ATG2A: variants seen among roughly 807,000 people sequenced by gnomAD.
ATG2A encodes autophagy-related protein 2 homolog A.
ATG2A carries 103 observed loss-of-function variants against 214.2 expected under a neutral mutation model. That is an observed-to-expected ratio of 0.48 (90% CI 0.41 to 0.57). The LOEUF is 0.57. Among genes scored for constraint, ATG2A ranks in the 20% least tolerant of loss-of-function variants. The pLI, the probability that ATG2A is intolerant of heterozygous loss-of-function variation, is 0.00. For missense variants in ATG2A, 2,312 were observed against 2,613.2 expected (o/e 0.88, Z 2.51); for synonymous variants, 1,160 against 1,142.1 (o/e 1.02, Z -0.32).
chr11:64,894,649 C>T lies in ATG2A; in HGVS notation c.*324G>A, dbSNP rs772474586. 4.7e-6 allele frequency: 3 copies of T among 635,052 alleles called. No individual in the cohort carries two copies. Among genetic ancestry groups the T allele is most frequent in the Non-Finnish European group, 8.8e-6 (3 of 340,966 alleles). 39.3% of individuals were successfully genotyped at this position (635,052 alleles called of 1,614,324 possible). A position where few individuals can be genotyped will look rare whatever the true frequency, so the allele number is the denominator to read the frequency against. On this transcript the variant is annotated 3_prime_UTR_variant, in exon 41 of 41. Transcript: ENST00000377264. Reference sequence around the variant, plus strand: ...ACACGGATATCATCCCCTCCTCCCCCCAGACACAGAAAGACACTTGGCTGA... The same window carrying T: ...ACACGGATATCATCCCCTCCTCCCCTCAGACACAGAAAGACACTTGGCTGA...
At chr11:64,911,367 GC>G in intron 9 of ATG2A, 92 bp from the exon 10 acceptor site, 1 of 1,283,606 alleles carries the variant, frequency 7.8e-7, no homozygotes, top group Non-Finnish European at 1.1e-6. Flanking sequence ...GGGTTGGGAG[GC>G]CAGGTCTGCC....
At chr11:64,912,693 A>C in intron 6 of ATG2A, 1 of 462,866 alleles carries the variant, frequency 2.2e-6, no homozygotes, top group Non-Finnish European at 3.8e-6. Flanking sequence ...TCCTGGGTTC[A>C]AGCGATTCTC....
At position 64,906,810 on chromosome 11, in the gene ATG2A, C is replaced by T. The variant is rs766768460; in HGVS notation, c.2838G>A (p.Glu946=). 6.2e-7 allele frequency: 1 copy of T among 1,612,834 alleles called. No individual in the cohort carries two copies. Among genetic ancestry groups the T allele is most frequent in the South Asian group, 1.1e-5 (1 of 91,000 alleles). Residue 946 remains glutamate, a synonymous_variant, in exon 20 of 41, where the codon GAG becomes GAA. Coordinates refer to ENST00000377264, the MANE Select transcript of ATG2A (RefSeq NM_015104.3). ...GCACAGCCTCCAGCCGCTTCCCACC[C>T]TCATCCTGCAGAAGGAGCACACAGC... ...RITALCETKD[E]GGKRLEAVHG... is the part of the protein sequence containing the mutation.
intron 1 of ATG2A, among the ~76,000 whole-genome samples, chr11:64,915,132 A>ACC (rs34205615): frequency 0.03 from 1,091 of 36,482 alleles, 66 homozygotes; most frequent in African/African-American, 0.093. Flanking sequence ...GCCAGATGGG[A>ACC]CCCCCCCCCC....
In ATG2A at chr11:64,896,604, C is replaced by T. The variant is rs1280285075; in HGVS notation, c.5285G>A (p.Arg1762Gln). The change falls in exon 39 of 41, where the codon CGG becomes CAG. Residue 1762 changes from arginine to glutamine, a missense_variant. Physicochemically the swap from Arg to Gln is conservative, Grantham distance 43. Coordinates refer to ENST00000377264, the MANE Select transcript of ATG2A (RefSeq NM_015104.3). ...CTCAATGGGCAGCCACAGCAGGTCC[C>T]GGAACCCTTGGACTAGGGGGAAGGA... ...HSVVQLFQGF[R>Q]DLLWLPIEQY... is the part of the protein sequence containing the mutation. The T allele has an allele frequency of 1.9e-6, 3 of 1,613,860 alleles. No individual in the cohort carries two copies. Among genetic ancestry groups the T allele is most frequent in the Admixed American group, 1.7e-5 (1 of 60,022 alleles).
Position 64,914,091 on chromosome 11 carries a change from G to A in ATG2A, c.477C>T (p.Thr159=), listed in dbSNP as rs369261992. The part of the protein sequence containing the change: ...PLEGLEMFAQ[T]IETVLRRIKV... ...GAGGGGCCTGCTCACCAGTCTCAAT[G>A]GTCTGGGCAAACATCTCCAGCCCCT... The change falls in exon 3 of 41, where the codon ACC becomes ACT. Residue 159 remains threonine, a synonymous_variant. Coordinates refer to ENST00000377264, the MANE Select transcript of ATG2A (RefSeq NM_015104.3). The A allele has an allele frequency of 3.2e-6, 5 of 1,546,732 alleles. No homozygotes were observed. The highest frequency in any genetic ancestry group is 1.4e-5 in the African/African-American group (1 of 73,104).
Position 64,911,291 on chromosome 11 carries a change from C to G in ATG2A, c.1229-16G>C. The G allele has an allele frequency of 6.2e-7, 1 of 1,611,018 alleles. No individual in the cohort carries two copies. Among genetic ancestry groups the G allele is most frequent in the Non-Finnish European group, 8.5e-7 (1 of 1,178,710 alleles). On this transcript the variant is annotated splice_polypyrimidine_tract_variant and intron_variant, in intron 9 of 40. Coordinates refer to ENST00000377264, the MANE Select transcript of ATG2A (RefSeq NM_015104.3). ...GCCATCTTGCCTGAGGGGACAGAGG[C>G]TTCAGCAGGGGCTCCCAACAGATTC...
intron 29 of ATG2A, 105 bp from the exon 30 acceptor site, chr11:64,901,197 T>A: frequency 8.6e-7 from 1 of 1,167,462 alleles, no homozygotes; most frequent in Admixed American, 2.8e-5. Flanking sequence ...TTTTTTTTTA[T>A]AGACAGGGTC....
intron 36 of ATG2A, 41 bp downstream of exon 36, chr11:64,897,630 G>A (rs1363382693): frequency 1.2e-6 from 2 of 1,613,536 alleles, no homozygotes; most frequent in Admixed American, 1.7e-5. Context: ...CTCAGCCACA[G>A]CTGACCCCAC....
intron 12 of ATG2A, 144 bp from the exon 13 acceptor site, chr11:64,910,339 C>T: frequency 7.8e-7 from 1 of 1,286,398 alleles, no homozygotes; most frequent in Non-Finnish European, 1.0e-6. Context: ...GCCCGACGCG[C>T]ACAATGTGCT....
chr11:64,898,604 G>T lies in ATG2A; in HGVS notation c.4671+32C>A, dbSNP rs774310030. 1 of 1,605,768 alleles carries T rather than the reference G, an allele frequency of 6.2e-7. No homozygotes were observed. The highest frequency in any genetic ancestry group is 1.1e-5 in the South Asian group (1 of 90,970). Reference sequence around the variant, plus strand: ...TGTATCCCCAACGGTCTGGTGCCCTGCCCCAGGGTGGATGGTGCAGGTCGC... The same window carrying T: ...TGTATCCCCAACGGTCTGGTGCCCTTCCCCAGGGTGGATGGTGCAGGTCGC... On this transcript the variant is annotated intron_variant, in intron 32 of 40. Coordinates refer to ENST00000377264, the MANE Select transcript of ATG2A (RefSeq NM_015104.3). The surrounding 1 kb of genome is among the most constrained non-coding windows in gnomAD (Gnocchi z 4.5).
chr11:64,912,268 C>T lies in ATG2A; in HGVS notation c.923-19G>A, dbSNP rs369827283. ...TCGTGGTCTGCAGGGGAGGAGACTT[C>T]AGTCTGGGCTGGCTGGCCCTCCCAG... On this transcript the variant is annotated intron_variant, in intron 7 of 40. Coordinates refer to ENST00000377264, the MANE Select transcript of ATG2A (RefSeq NM_015104.3). 2 of 1,609,888 alleles carry T rather than the reference C, an allele frequency of 1.2e-6. No individual in the cohort carries two copies. Among genetic ancestry groups the T allele is most frequent in the African/African-American group, 2.7e-5 (2 of 74,846 alleles).
chr11:64,916,306 C>T (rs1423847332), intron 1 of ATG2A, among the ~76,000 whole-genome samples: 2 of 152,098 alleles, frequency 1.3e-5, no homozygotes, highest in African/African-American at 2.4e-5. Flanking sequence ...CCGGGGGGGT[C>T]GGTGGGAGAT....
In ATG2A at chr11:64,903,088, T is replaced by C. The variant is rs1944417040; in HGVS notation, c.3612+200A>G. Among the ~76,000 whole-genome samples the C allele has an allele frequency of 6.6e-6, 1 of 152,154 alleles. No homozygotes were observed. The highest frequency in any genetic ancestry group is 1.5e-5 in the Non-Finnish European group (1 of 68,016). On this transcript the variant is annotated intron_variant, in intron 26 of 40. Transcript: ENST00000377264. The surrounding 1 kb of genome is among the most constrained non-coding windows in gnomAD (Gnocchi z 4.2). ...GGTGGCAGGGCTGAAACCCATTCATTCATTCAGCCAGCATCAAGGGACACC... is the reference window on the plus strand; with the variant it reads ...GGTGGCAGGGCTGAAACCCATTCATCCATTCAGCCAGCATCAAGGGACACC...
rs1230115238 is a variant in ATG2A, at chr11:64,913,904, C to T, written c.507G>A (p.Val169=). The change falls in exon 4 of 41, where the codon GTG becomes GTA. Residue 169 remains valine, a synonymous_variant. Coordinates refer to ENST00000377264, the MANE Select transcript of ATG2A (RefSeq NM_015104.3). The surrounding 1 kb of genome is among the most constrained non-coding windows in gnomAD (Gnocchi z 4.3). The stretch of plus-strand genomic sequence containing the variant: ...CCCTCACGACAGTGTCCAGGAAGGT[C>T]ACTTTGATCCTCCGAAGCACTGAGG... ...TIETVLRRIK[V]TFLDTVVRVE... 7 of 1,614,028 alleles carry T rather than the reference C, an allele frequency of 4.3e-6. No homozygotes were observed. The highest frequency in any genetic ancestry group is 2.2e-5 in the East Asian group (1 of 44,878).
In ATG2A at chr11:64,900,425, G is replaced by A. The variant is rs968470135; in HGVS notation, c.4464+69C>T. The A allele has an allele frequency of 4.9e-5, 78 of 1,605,386 alleles. No homozygotes were observed. In the African/African-American group the frequency reaches 8.4e-4, roughly 17 times the overall value. ...TCCTCTGCATTAGTCATTGCTACAC[G>A]TGACATCGAGAACAAGGCCCGTTGT... is the stretch of plus-strand genomic sequence containing the variant. On this transcript the variant is annotated intron_variant, in intron 31 of 40. Coordinates refer to ENST00000377264, the MANE Select transcript of ATG2A (RefSeq NM_015104.3).
chr11:64,906,200 G>T lies in ATG2A; in HGVS notation c.3184-7C>A. ...GCAGTGTCACCAGGAACTCCTGAGG[G>T]TGGGGGCGCAGTCAGGGCAGTGGGG... On this transcript the variant is annotated splice_polypyrimidine_tract_variant and splice_region_variant and intron_variant, in intron 21 of 40. Transcript: ENST00000377264. 4 of 1,611,516 alleles carry T rather than the reference G, an allele frequency of 2.5e-6. No individual in the cohort carries two copies. The highest frequency in any genetic ancestry group is 3.4e-6 in the Non-Finnish European group (4 of 1,179,194).
chr11:64,907,737 C>G lies in ATG2A; in HGVS notation c.2507+11G>C, dbSNP rs765828592. 1 of 1,612,772 alleles carries G rather than the reference C, an allele frequency of 6.2e-7. No individual in the cohort carries two copies. Among genetic ancestry groups the G allele is most frequent in the Admixed American group, 1.7e-5 (1 of 59,962 alleles). On this transcript the variant is annotated intron_variant, in intron 17 of 40. Coordinates refer to ENST00000377264, the MANE Select transcript of ATG2A (RefSeq NM_015104.3). Reference sequence around the variant, plus strand: ...GTGTCCAGTCCCGCCCTGCTGGCCCCGGGTCTCCACCTGTTGTAGATGCTC... The same window carrying G: ...GTGTCCAGTCCCGCCCTGCTGGCCCGGGGTCTCCACCTGTTGTAGATGCTC...
chr11:64,907,169 T>C, intron 19 of ATG2A, 86 bp downstream of exon 19: 1 of 1,407,312 alleles, frequency 7.1e-7, no homozygotes, highest in Non-Finnish European at 9.3e-7. Context: ...TCCACATTCT[T>C]GACCTGGAGC....
Sources: gnomAD v4.1 joint callset for allele counts (sites outside exome capture counted in the v4.1 genomes callset) on GRCh38, gnomAD v4.1.1 for gene constraint, Gnocchi (gnomAD v3.1) non-coding constraint, MANE v1.5 for transcripts, NCBI Gene and HGNC (gene_info 2026-07-23, HGNC 2026-07-21) for gene names.